CRPPA: variants seen among roughly 807,000 people sequenced by gnomAD.
The protein encoded by CRPPA is D-ribitol-5-phosphate cytidylyltransferase.
A neutral mutation model predicts 52.0 loss-of-function variants in CRPPA; 43 were observed. That is an observed-to-expected ratio of 0.83 (90% CI 0.65 to 1.07). The LOEUF is 1.07. Among genes scored for constraint, CRPPA ranks in the 50% least tolerant of loss-of-function variants. The pLI is 0.00. For synonymous variants in CRPPA, 250 were observed against 203.5 expected, an observed-to-expected ratio of 1.23 and a Z score of -1.94; for missense variants, 629 against 551.7, an observed-to-expected ratio of 1.14 and a Z score of -1.40.
chr7:16,110,983 T>C (rs1447009175), intron 9 of CRPPA, among the ~76,000 whole-genome samples: 1 of 151,984 alleles, frequency 6.6e-6, no homozygotes, highest in Non-Finnish European at 1.5e-5. Flanking sequence ...GAAGAGACAA[T>C]CTACAGATTG....
At chr7:16,303,350 T>C (rs1239784526) in intron 4 of CRPPA, among the ~76,000 whole-genome samples, 3 of 151,906 alleles carry the variant, frequency 2.0e-5, no homozygotes, top group Non-Finnish European at 4.4e-5. Flanking sequence ...ACAAATCTAG[T>C]AGTTAGCTAA....
At chr7:16,131,864 C>A (rs184906450) in intron 9 of CRPPA, among the ~76,000 whole-genome samples, 1 of 152,330 alleles carries the variant, frequency 6.6e-6, no homozygotes, top group Admixed American at 6.5e-5. Flanking sequence ...GAGTGAGCCA[C>A]TGCACCCAGC....
chr7:16,309,826 AAGG>A (rs1784996050), intron 3 of CRPPA, among the ~76,000 whole-genome samples: 1 of 152,166 alleles, frequency 6.6e-6, no homozygotes, highest in African/African-American at 2.4e-5. Context: ...ACAGTCACAA[AAGG>A]AGTTCATAAA....
At chr7:16,153,115 G>C (rs1444252087) in intron 9 of CRPPA, among the ~76,000 whole-genome samples, 4 of 151,912 alleles carry the variant, frequency 2.6e-5, no homozygotes, top group Admixed American at 2.6e-4. Context: ...TTTATGCTTA[G>C]CTTTACATAA....
intron 2 of CRPPA, among the ~76,000 whole-genome samples, chr7:16,404,428 T>A (rs1006618388): frequency 6.6e-6 from 1 of 152,170 alleles, no homozygotes; most frequent in African/African-American, 2.4e-5. Context: ...GACAATGATA[T>A]ACTTAGCATA....
rs563553373 is a variant in CRPPA, at chr7:16,379,346, T to G, written c.535-3105A>C. On this transcript the variant is annotated intron_variant, in intron 2 of 9. Coordinates refer to ENST00000407010, the MANE Select transcript of CRPPA (RefSeq NM_001101426.4). ...AGGGCTCTGTTCTGTTCCATTGATC[T>G]ATATCTCTGTTTCGGTACCAGTACC... Among the ~76,000 whole-genome samples the G allele has an allele frequency of 1.5e-3, 231 of 152,344 alleles. 1 individual carries two copies. Among genetic ancestry groups the G allele is most frequent in the African/African-American group, 5.4e-3 (225 of 41,578 alleles).
At position 16,301,577 on chromosome 7, in the gene CRPPA, A is replaced by G. The variant is rs1784790198; in HGVS notation, c.790-111T>C. ...ATTTTTCAGAAGCTATAAACATGTA[A>G]TACTGACATTTTCTCAATTAGAAAA... On this transcript the variant is annotated intron_variant, in intron 4 of 9. Coordinates refer to ENST00000407010, the MANE Select transcript of CRPPA (RefSeq NM_001101426.4). 4 of 634,392 alleles carry G rather than the reference A, an allele frequency of 6.3e-6. No homozygotes were observed. In the South Asian group the frequency reaches 9.3e-5, roughly 15 times the overall value. 39.3% of individuals were successfully genotyped at this position (634,392 alleles called of 1,614,324 possible). A position where few individuals can be genotyped will look rare whatever the true frequency, so the allele number is the denominator to read the frequency against.
At chr7:16,113,076 A>C (rs1372852152) in intron 9 of CRPPA, among the ~76,000 whole-genome samples, 3 of 152,058 alleles carry the variant, frequency 2.0e-5, no homozygotes, top group African/African-American at 7.2e-5. Context: ...GAAAATAAGA[A>C]AGCAAGACAA....
At chr7:16,268,915 A>C (rs1784022644) in intron 6 of CRPPA, 1 of 152,238 alleles carries the variant, frequency 6.6e-6, no homozygotes, top group Non-Finnish European at 1.5e-5. Context: ...TAATCTCTGC[A>C]ACATCTGCTA....
chr7:16,256,394 C>T lies in CRPPA; in HGVS notation c.1119+1996G>A, dbSNP rs192283195. Among the ~76,000 whole-genome samples the T allele has an allele frequency of 3.3e-5, 5 of 152,170 alleles. No homozygotes were observed. In the East Asian group the frequency reaches 9.7e-4, roughly 29 times the overall value. ...TCTAGAACCAGAAATACCATTAGACCCAGCAATCCCATTACTGGGTATACA... is the reference window on the plus strand; with the variant it reads ...TCTAGAACCAGAAATACCATTAGACTCAGCAATCCCATTACTGGGTATACA... On this transcript the variant is annotated intron_variant, in intron 8 of 9. Coordinates refer to ENST00000407010, the MANE Select transcript of CRPPA (RefSeq NM_001101426.4).
At chr7:16,159,559 T>A (rs1351465261) in intron 9 of CRPPA, among the ~76,000 whole-genome samples, 1 of 152,332 alleles carries the variant, frequency 6.6e-6, no homozygotes, top group African/African-American at 2.4e-5. Context: ...TATGGCTACA[T>A]AGTATTCCAT....
chr7:16,313,397 G>T (rs183830814), intron 3 of CRPPA, among the ~76,000 whole-genome samples: 3 of 151,760 alleles, frequency 2.0e-5, no homozygotes. Context: ...ATGTTCATGG[G>T]ATCTATAATA....
intron 5 of CRPPA, among the ~76,000 whole-genome samples, chr7:16,298,812 T>C (rs1306472401): frequency 1.3e-5 from 2 of 152,186 alleles, no homozygotes; most frequent in Admixed American, 6.5e-5. Flanking sequence ...TCCAATCCAC[T>C]GAGGTCCTGA....
At chr7:16,237,006 T>A (rs891899929) in intron 8 of CRPPA, among the ~76,000 whole-genome samples, 1 of 151,972 alleles carries the variant, frequency 6.6e-6, no homozygotes, top group Non-Finnish European at 1.5e-5. Context: ...TTTTTAATTA[T>A]ACTTTGCCAA....
chr7:16,258,376 T>C lies in CRPPA; in HGVS notation c.1119+14A>G. On this transcript the variant is annotated intron_variant, in intron 8 of 9. Transcript: ENST00000407010. ...AGCATAAGTTTGAGAAAAATCTGCA[T>C]TAATTTCACTTACTGAAACAACAAC... 6.6e-7 allele frequency: 1 copy of C among 1,521,146 alleles called. No homozygotes were observed. Among genetic ancestry groups the C allele is most frequent in the Non-Finnish European group, 9.0e-7 (1 of 1,108,754 alleles). The allele number at this position is 1,521,146 out of a possible 1,614,324, so 94.2% of individuals were successfully genotyped here. A position where few individuals can be genotyped will look rare whatever the true frequency, so the allele number is the denominator to read the frequency against.
At chr7:16,356,241 C>A (rs1264289359) in intron 3 of CRPPA, among the ~76,000 whole-genome samples, 1 of 152,204 alleles carries the variant, frequency 6.6e-6, no homozygotes, top group African/African-American at 2.4e-5. Flanking sequence ...TCTATCTCTA[C>A]ATACTTCCTT....
intron 1 of CRPPA, among the ~76,000 whole-genome samples, chr7:16,419,066 A>T (rs1235312265): frequency 2.0e-5 from 3 of 152,200 alleles, no homozygotes; most frequent in African/African-American, 7.2e-5. Flanking sequence ...TATTATAGGT[A>T]AGTGGTTCAT....
chr7:16,193,622 A>C (rs1444688811), intron 9 of CRPPA, among the ~76,000 whole-genome samples: 1 of 152,134 alleles, frequency 6.6e-6, no homozygotes. Flanking sequence ...TCAAATAAAT[A>C]CTTAAGTATA....
intron 9 of CRPPA, among the ~76,000 whole-genome samples, chr7:16,160,655 T>A (rs765008050): frequency 2.0e-5 from 3 of 152,232 alleles, no homozygotes; most frequent in Admixed American, 1.3e-4. Context: ...GAGCTCTTTT[T>A]TGGTTCAATA....
Sources: gnomAD v4.1 joint callset for allele counts (sites outside exome capture counted in the v4.1 genomes callset) on GRCh38, gnomAD v4.1.1 for gene constraint, MANE v1.5 for transcripts, NCBI Gene and HGNC (gene_info 2026-07-23, HGNC 2026-07-21) for gene names.